The following ZNF722 variants were observed in gnomAD, a reference collection of about 807,000 sequenced individuals.
ZNF722 encodes the protein zinc finger protein 722, also known as zinc finger protein 479 pseudogene.
At chr7:63,999,478 G>A in the ZNF722 span, among the ~76,000 whole-genome samples, 5 of 152,190 alleles carry the variant, frequency 3.3e-5, no homozygotes, top group Admixed American at 3.3e-4. Context: ...GCTATGATTT[G>A]TGGGTTGTGA....
the ZNF722 span, among the ~76,000 whole-genome samples, chr7:64,017,141 T>C: frequency 6.6e-6 from 1 of 152,212 alleles, no homozygotes; most frequent in Admixed American, 6.5e-5. Flanking sequence ...ATTCCAGCAC[T>C]TTGGGAGGCC....
At chr7:64,015,644 AG>A in the ZNF722 span, 1 of 1,613,930 alleles carries the variant, frequency 6.2e-7, no homozygotes, top group East Asian at 2.2e-5. Context: ...TTCATACTGG[AG>A]AGAGACCCTA....
At chr7:64,010,057 T>C in the ZNF722 span, among the ~76,000 whole-genome samples, 1 of 152,200 alleles carries the variant, frequency 6.6e-6, no homozygotes, top group African/African-American at 2.4e-5. Context: ...TCTCTGATGG[T>C]AGTTTGTATT....
the ZNF722 span, among the ~76,000 whole-genome samples, chr7:63,999,212 G>T: frequency 6.6e-6 from 1 of 152,116 alleles, no homozygotes; most frequent in Non-Finnish European, 1.5e-5. Context: ...TTTTTCCTCT[G>T]CAGTGGCTTT....
At chr7:64,004,620 A>C in the ZNF722 span, among the ~76,000 whole-genome samples, 38 of 151,692 alleles carry the variant, frequency 2.5e-4, no homozygotes, top group Non-Finnish European at 5.4e-4. Flanking sequence ...TTTCCACTAT[A>C]GAGTTAATTA....
At chr7:64,000,132 T>TTGTGTG in the ZNF722 span, among the ~76,000 whole-genome samples, 19 of 139,766 alleles carry the variant, frequency 1.4e-4, no homozygotes, top group African/African-American at 4.6e-4. Flanking sequence ...TTTTTTTTTT[T>TTGTGTG]TGTGTGTGTG....
chr7:64,006,661 CTATT>C, the ZNF722 span, among the ~76,000 whole-genome samples: 1 of 152,080 alleles, frequency 6.6e-6, no homozygotes, highest in African/African-American at 2.4e-5. Context: ...CTACGTTAAA[CTATT>C]TATAAAATTT....
chr7:64,005,476 T>A, the ZNF722 span: 17 of 532,158 alleles, frequency 3.2e-5, no homozygotes, highest in Middle Eastern at 3.0e-3. Context: ...TATCGAATAA[T>A]TTTAGTCAGT....
the ZNF722 span, among the ~76,000 whole-genome samples, chr7:64,010,312 CT>C: frequency 7.2e-5 from 11 of 152,154 alleles, no homozygotes; most frequent in African/African-American, 2.7e-4. Context: ...TCTTGCTTCT[CT>C]AGTTCCTTTA....
At chr7:64,015,763 C>T in the ZNF722 span, 1 of 1,613,156 alleles carries the variant, frequency 6.2e-7, no homozygotes, top group Non-Finnish European at 8.5e-7. Context: ...TGTGGCAGAG[C>T]CTTTAACTGC....
the ZNF722 span, chr7:64,015,074 A>G: frequency 7.2e-7 from 1 of 1,386,908 alleles, no homozygotes; most frequent in South Asian, 1.2e-5. Context: ...AGCAGGGCAT[A>G]AAACATTCAC....
chr7:64,005,415 GCTATT>G, the ZNF722 span, among the ~76,000 whole-genome samples: 13 of 73,712 alleles, frequency 1.8e-4, no homozygotes, highest in Non-Finnish European at 4.3e-4. Context: ...TGGATCTTAT[GCTATT>G]CTCTTTTCTT....
the ZNF722 span, among the ~76,000 whole-genome samples, chr7:64,004,346 T>C: frequency 6.9e-6 from 1 of 144,068 alleles, no homozygotes; most frequent in Admixed American, 7.1e-5. Context: ...GAGGTGGAGG[T>C]TGCAGTGAGA....
chr7:64,004,452 A>G, the ZNF722 span, among the ~76,000 whole-genome samples: 2 of 140,844 alleles, frequency 1.4e-5, no homozygotes, highest in Non-Finnish European at 3.1e-5. Context: ...ATATATATAT[A>G]TATAAAATTA....
chr7:64,015,966 T>C, the ZNF722 span: 8 of 1,144,982 alleles, frequency 7.0e-6, no homozygotes, highest in African/African-American at 1.6e-5. Context: ...TACAATAATT[T>C]ATGCTGGAAA....
chr7:64,002,526 G>A, the ZNF722 span, among the ~76,000 whole-genome samples: 1 of 151,974 alleles, frequency 6.6e-6, no homozygotes, highest in Admixed American at 6.6e-5. Context: ...TATGTTTTTT[G>A]TGGTATTATT....
chr7:64,013,154 A>T, the ZNF722 span, among the ~76,000 whole-genome samples: 2 of 152,152 alleles, frequency 1.3e-5, no homozygotes, highest in Admixed American at 1.3e-4. Flanking sequence ...CATACACAGT[A>T]TAATGTTATT....
chr7:64,006,441 G>A, the ZNF722 span: 6 of 685,004 alleles, frequency 8.8e-6, no homozygotes, highest in South Asian at 2.4e-5. Context: ...TGAGAGGCTC[G>A]AGTCATTTTT....
At chr7:64,007,230 G>GTGTGTATATATATA in the ZNF722 span, among the ~76,000 whole-genome samples, 5 of 138,512 alleles carry the variant, frequency 3.6e-5, no homozygotes, top group South Asian at 6.6e-4. Flanking sequence ...GTTTGTGTGT[G>GTGTGTATATATATA]TATATATATA....
Sources: gnomAD v4.1 joint callset for allele counts (sites outside exome capture counted in the v4.1 genomes callset) on GRCh38, gnomAD v4.1.1 for gene constraint, MANE v1.5 for transcripts, NCBI Gene and HGNC (gene_info 2026-07-23, HGNC 2026-07-21) for gene names.